The following CLTCL1 variants were observed in gnomAD, a reference collection of about 807,000 sequenced individuals.
CLTCL1 encodes the protein clathrin heavy chain like 1, also known as clathrin heavy chain 2.
CLTCL1 carries 159 observed loss-of-function variants against 190.0 expected under a neutral mutation model. That is an observed-to-expected ratio of 0.84 (90% CI 0.74 to 0.95). The LOEUF (loss-of-function observed/expected upper bound fraction) is 0.95. Among genes scored for constraint, CLTCL1 ranks in the 40% least tolerant of loss-of-function variants. The pLI, the probability that CLTCL1 is intolerant of heterozygous loss-of-function variation, is 0.00. For missense variants in CLTCL1, 1,878 were observed against 2,033.4 expected (o/e 0.92, Z 1.47); for synonymous variants, 752 against 769.6 (o/e 0.98, Z 0.38).
intron 1 of CLTCL1, 90 bp downstream of exon 1, chr22:19,291,510 A>G (rs2088122529): frequency 3.4e-6 from 4 of 1,177,898 alleles, no homozygotes; most frequent in African/African-American, 3.2e-5. Flanking sequence ...GCAGCGGCTC[A>G]GCGGGGCTGG....
chr22:19,188,087 C>A lies in CLTCL1; in HGVS notation c.4328G>T (p.Gly1443Val), dbSNP rs1555929390. Residue 1443 changes from glycine to valine, a missense_variant, in exon 28 of 33, where the codon GGT (glycine) becomes GTT (valine). Gly to Val is a moderately radical substitution (Grantham distance 109, BLOSUM62 -3). Transcript: ENST00000427926. ...TWTVSFFSKAGQLPLVKPYLR... is the reference protein window; with the variant it reads ...TWTVSFFSKAVQLPLVKPYLR... ...GTAAGGCTTCACCAGGGGCAGCTGA[C>A]CTGCCTGACAAGTTGAGGGAACCGT... 6.2e-7 allele frequency: 1 copy of A among 1,613,990 alleles called. No individual in the cohort carries two copies.
chr22:19,243,128 G>GA (rs1271906212), intron 3 of CLTCL1, among the ~76,000 whole-genome samples, 192 bp from the exon 4 acceptor site: 2 of 151,954 alleles, frequency 1.3e-5, no homozygotes, highest in Non-Finnish European at 2.9e-5. Context: ...AAACACTATG[G>GA]AAAAAAATAA....
At chr22:19,291,469 T>A in intron 1 of CLTCL1, 131 bp downstream of exon 1, 2 of 836,930 alleles carry the variant, frequency 2.4e-6, no homozygotes, top group Non-Finnish European at 3.2e-6. Context: ...CCAGCCCAGG[T>A]GGGAGGTCGG....
intron 3 of CLTCL1, among the ~76,000 whole-genome samples, chr22:19,247,490 A>T (rs576189373): frequency 6.6e-6 from 1 of 152,328 alleles, no homozygotes; most frequent in South Asian, 2.1e-4. Context: ...TTCTTCAAAC[A>T]TGATGATTTC....
chr22:19,267,059 T>C lies in CLTCL1; in HGVS notation c.250+8564A>G, dbSNP rs564654983. 7.9e-5 allele frequency among the ~76,000 whole-genome samples: 12 copies of C among 152,270 alleles called. No homozygotes were observed. The East Asian group carries it at 1.5e-3, about 20-fold the overall frequency. On this transcript the variant is annotated intron_variant, in intron 2 of 32. Coordinates refer to ENST00000427926, the MANE Select transcript of CLTCL1 (RefSeq NM_007098.4). ...AGATGTAAAACTGTCTATTCACAGA[T>C]AACATGATACAGTATGTAGAAAATG...
chr22:19,291,595 C>G lies in CLTCL1; in HGVS notation c.42+5G>C. 3 of 1,390,696 alleles carry G rather than the reference C, an allele frequency of 2.2e-6. No homozygotes were observed. The highest frequency in any genetic ancestry group is 2.8e-6 in the Non-Finnish European group (3 of 1,058,706). The allele number at this position is 1,390,696 out of a possible 1,614,324, so 86.1% of individuals were successfully genotyped here. On this transcript the variant is annotated splice_donor_5th_base_variant and intron_variant, in intron 1 of 32. Coordinates refer to ENST00000427926, the MANE Select transcript of CLTCL1 (RefSeq NM_007098.4). The stretch of plus-strand genomic sequence containing the variant: ...AGGGCAGCCCCCCAGCCCGCCGGGC[C>G]TCACCTGGAAGTGCTCCTGAAAGCG...
chr22:19,267,877 A>G (rs2087171736), intron 2 of CLTCL1, among the ~76,000 whole-genome samples: 1 of 151,914 alleles, frequency 6.6e-6, no homozygotes, highest in Non-Finnish European at 1.5e-5. Flanking sequence ...GCTGGGTGAG[A>G]AGAACAAGAC....
intron 1 of CLTCL1, among the ~76,000 whole-genome samples, chr22:19,287,255 G>A (rs1166426285): frequency 2.0e-5 from 3 of 152,172 alleles, no homozygotes; most frequent in African/African-American, 7.2e-5. Flanking sequence ...AACAGCTACA[G>A]TACCCTGGGA....
At chr22:19,222,562 C>T (rs2085607465) in intron 15 of CLTCL1, 122 bp downstream of exon 15, 2 of 1,200,570 alleles carry the variant, frequency 1.7e-6, no homozygotes, top group East Asian at 5.1e-5. Flanking sequence ...GCACACGAAC[C>T]CACCACCCTT....
At chr22:19,245,726 G>A (rs1371855078) in intron 3 of CLTCL1, among the ~76,000 whole-genome samples, 2 of 152,148 alleles carry the variant, frequency 1.3e-5, no homozygotes, top group Non-Finnish European at 1.5e-5. Flanking sequence ...TAGATTTACT[G>A]ATTCTAAATA....
chr22:19,187,590 C>G lies in CLTCL1; in HGVS notation c.4573G>C (p.Val1525Leu), dbSNP rs201496262. Residue 1525 changes from valine to leucine, a missense_variant, in exon 29 of 33, where the codon GTG becomes CTG. Val to Leu is a conservative substitution (Grantham distance 32, BLOSUM62 1). Transcript: ENST00000427926. ...AGATGATCCTTCTTGCAGAGCTCCA[C>G]GCTCTGGGCCCACCAGTTATTGCCC... is the stretch of plus-strand genomic sequence containing the variant. ...YKGNNWWAQS[V>L]ELCKKDHLYK... The G allele has an allele frequency of 3.7e-6, 6 of 1,613,034 alleles. No individual in the cohort carries two copies. Among genetic ancestry groups the G allele is most frequent in the South Asian group, 2.2e-5 (2 of 91,038 alleles).
At chr22:19,183,714 G>T in intron 29 of CLTCL1, 103 bp from the exon 30 acceptor site, 3 of 1,112,344 alleles carry the variant, frequency 2.7e-6, no homozygotes, top group Non-Finnish European at 2.6e-6. Flanking sequence ...CTCCACCAAG[G>T]ACTTCCTGCG....
chr22:19,291,153 T>G (rs2088102548), intron 1 of CLTCL1, among the ~76,000 whole-genome samples: 1 of 152,216 alleles, frequency 6.6e-6, no homozygotes, highest in South Asian at 2.1e-4. Flanking sequence ...GGGTCACGCA[T>G]GTTCACGGTC....
Position 19,222,798 on chromosome 22 carries a change from G to C in CLTCL1, c.2304C>G (p.Leu768=), listed in dbSNP as rs1555953407. 5.6e-6 allele frequency: 9 copies of C among 1,598,342 alleles called. No individual in the cohort carries two copies. Among genetic ancestry groups the C allele is most frequent in the African/African-American group, 4.0e-5 (3 of 74,648 alleles). The change falls in exon 15 of 33, where the codon CTC becomes CTG. Residue 768 remains leucine (L), a synonymous_variant. Coordinates refer to ENST00000427926, the MANE Select transcript of CLTCL1 (RefSeq NM_007098.4). ...RVKNFLKEAK[L]TDQLPLIIVC... Reference sequence around the variant, plus strand: ...CGATGATGAGGGGAAGCTGGTCTGTGAGCTTGGCCTCCTGAGGATTAGAAT... The same window carrying C: ...CGATGATGAGGGGAAGCTGGTCTGTCAGCTTGGCCTCCTGAGGATTAGAAT...
At chr22:19,232,378 G>T in intron 10 of CLTCL1, 98 bp downstream of exon 10, 1 of 1,523,656 alleles carries the variant, frequency 6.6e-7, no homozygotes, top group East Asian at 2.3e-5. Context: ...AGCAGATGAA[G>T]AAAAGCATTG....
rs1555994324 is a variant in CLTCL1 at position 19,291,678 on chromosome 22, G to A, written c.-37C>T. ...GACCTCGGCGGCGGCGGCGGCAGCG[G>A]CAGGAATGAACGCCGACCCCTCGCG... On this transcript the variant is annotated 5_prime_UTR_variant, in exon 1 of 33. Coordinates refer to ENST00000427926, the MANE Select transcript of CLTCL1 (RefSeq NM_007098.4). 3.0e-6 allele frequency: 4 copies of A among 1,349,070 alleles called. No homozygotes were observed. Among genetic ancestry groups the A allele is most frequent in the South Asian group, 1.8e-5 (1 of 54,838 alleles). 83.6% of individuals were successfully genotyped at this position (1,349,070 alleles called of 1,614,324 possible).
chr22:19,180,635 C>T, intron 31 of CLTCL1, 96 bp downstream of exon 31: 1 of 1,215,730 alleles, frequency 8.2e-7, no homozygotes, highest in Non-Finnish European at 1.2e-6. Flanking sequence ...CATCTATTCC[C>T]ATCCCCATCC....
chr22:19,189,339 T>C (rs1186144345), intron 27 of CLTCL1, among the ~76,000 whole-genome samples: 1 of 152,270 alleles, frequency 6.6e-6, no homozygotes, highest in Non-Finnish European at 1.5e-5. Context: ...CAGCATGCAA[T>C]GCTCTTTGAT....
chr22:19,281,729 G>C (rs182899486), intron 1 of CLTCL1, among the ~76,000 whole-genome samples: 1 of 152,250 alleles, frequency 6.6e-6, no homozygotes, highest in Admixed American at 6.5e-5. Flanking sequence ...TTTGGGGATC[G>C]ATGTTGGGTT....
Sources: gnomAD v4.1 joint callset for allele counts (sites outside exome capture counted in the v4.1 genomes callset) on GRCh38, gnomAD v4.1.1 for gene constraint, MANE v1.5 for transcripts, NCBI Gene and HGNC (gene_info 2026-07-23, HGNC 2026-07-21) for gene names.